STIL: variants seen among roughly 807,000 people sequenced by gnomAD.
STIL encodes the protein STIL centriolar assembly protein.
Under a neutral mutation model 110.1 loss-of-function variants are expected in STIL, and 55 were observed. The ratio of observed to expected loss-of-function variants is 0.50; its 90% CI spans 0.40 to 0.63. STIL has a LOEUF of 0.63. Ranked by LOEUF, STIL falls within the 20% of genes least tolerant of loss-of-function variation. STIL has a pLI of 0.00. For synonymous variants in STIL, 481 were observed against 530.0 expected (o/e 0.91, Z 1.27); for missense variants, 1,358 against 1,530.0 (o/e 0.89, Z 1.87).
chr1:47,313,414 T>C (rs1646194792), intron 1 of STIL, among the ~76,000 whole-genome samples: 1 of 149,554 alleles, frequency 6.7e-6, no homozygotes, highest in Non-Finnish European at 1.5e-5. Flanking sequence ...AGCCCCACTC[T>C]ATTATTCCAA....
intron 2 of STIL, among the ~76,000 whole-genome samples, chr1:47,306,720 G>T (rs1645970882): frequency 6.6e-6 from 1 of 152,198 alleles, no homozygotes; most frequent in South Asian, 2.1e-4. Context: ...AGCGTCAAAA[G>T]GACATAATTA....
At chr1:47,299,067 G>A (rs1257599960) in intron 6 of STIL, among the ~76,000 whole-genome samples, 1 of 150,940 alleles carries the variant, frequency 6.6e-6, no homozygotes, top group African/African-American at 2.4e-5. Context: ...GGTCTCTGGG[G>A]CTGGGCATGG....
chr1:47,311,446 G>A (rs1030025235), intron 1 of STIL, among the ~76,000 whole-genome samples: 4 of 151,564 alleles, frequency 2.6e-5, no homozygotes, highest in East Asian at 1.9e-4. Flanking sequence ...CACTGCACCC[G>A]GCTAATTTTT....
chr1:47,275,472 G>C (rs1219296601), intron 12 of STIL, among the ~76,000 whole-genome samples: 1 of 151,950 alleles, frequency 6.6e-6, no homozygotes, highest in Non-Finnish European at 1.5e-5. Context: ...GCCCGGCTTG[G>C]TGGCCAACGC....
intron 12 of STIL, among the ~76,000 whole-genome samples, chr1:47,273,578 CAT>C (rs1360843822): frequency 6.6e-6 from 1 of 152,202 alleles, no homozygotes; most frequent in Non-Finnish European, 1.5e-5. Context: ...GGATATATCA[CAT>C]TGTGCTTTTC....
intron 2 of STIL, among the ~76,000 whole-genome samples, chr1:47,307,200 A>G: frequency 6.6e-6 from 1 of 152,118 alleles, no homozygotes; most frequent in Non-Finnish European, 1.5e-5. Context: ...ACACGCCTGT[A>G]ATCCCAGTTA....
In STIL at chr1:47,263,006, G is replaced by A. The variant is rs143211398; in HGVS notation, c.2726C>T (p.Ala909Val). The A allele has an allele frequency of 8.7e-6, 14 of 1,614,074 alleles. No individual in the cohort carries two copies. The East Asian group carries it at 3.1e-4, about 36-fold the overall frequency. Reference protein sequence around the residue: ...MCLQTGPTGGASNNSETSEEP... With the variant: ...MCLQTGPTGGVSNNSETSEEP... ...CTCTGATGTTTCAGAATTGTTACTG[G>A]CACCCCCTGTTGGTCCAGTCTGTAA... Residue 909 changes from alanine (A) to valine (V), a missense_variant, in exon 15 of 17, where the codon GCC becomes GTC. By Grantham distance (64) the Ala-to-Val change is moderately conservative. Coordinates refer to ENST00000371877, the MANE Select transcript of STIL (RefSeq NM_001048166.1).
intron 14 of STIL, among the ~76,000 whole-genome samples, chr1:47,265,260 A>AAAAAAAAAAAAAAAAAAAAAC (rs1553170532): frequency 3.6e-4 from 54 of 148,398 alleles, no homozygotes; most frequent in East Asian, 1.0e-3. Flanking sequence ...AAAAAAAAAA[A>AAAAAAAAAAAAAAAAAAAAAC]CACAAGATTG....
At chr1:47,259,238 G>C (rs918754850) in intron 16 of STIL, among the ~76,000 whole-genome samples, 4 of 147,414 alleles carry the variant, frequency 2.7e-5, no homozygotes, top group Non-Finnish European at 5.9e-5. Context: ...CGCCCACCTC[G>C]GCTTCCCAAA....
chr1:47,289,458 T>C lies in STIL; in HGVS notation c.1000A>G (p.Lys334Glu), dbSNP rs201791925. The C allele has an allele frequency of 3.1e-6, 5 of 1,614,014 alleles. No homozygotes were observed. The East Asian group carries it at 1.1e-4, about 36-fold the overall frequency. Reference sequence around the variant, plus strand: ...ACTTTGAAAAGATGTAATGTTTCCTTACTGGTTAGCAACTGAAACCGAAAG... The same window carrying C: ...ACTTTGAAAAGATGTAATGTTTCCTCACTGGTTAGCAACTGAAACCGAAAG... ...PDFRFQLLTS[K>E]ETLHLFKNVE... is the part of the protein sequence containing the mutation. The change falls in exon 9 of 17, where the codon AAG (lysine) becomes GAG (glutamate). Residue 334 changes from lysine to glutamate, a missense_variant. Physicochemically the swap from Lys to Glu is moderately conservative, Grantham distance 56. Coordinates refer to ENST00000371877, the MANE Select transcript of STIL (RefSeq NM_001048166.1).
chr1:47,311,460 G>C (rs1333837630), intron 1 of STIL, among the ~76,000 whole-genome samples: 3 of 150,978 alleles, frequency 2.0e-5, no homozygotes, highest in Non-Finnish European at 3.0e-5. Flanking sequence ...AATTTTTTTG[G>C]ATTTTTTGTA....
In STIL at chr1:47,314,130, G is replaced by A. The variant is rs1170833014; in HGVS notation, c.-138C>T. 6.6e-6 allele frequency: 1 copy of A among 152,296 alleles called. No homozygotes were observed. Among genetic ancestry groups the A allele is most frequent in the Non-Finnish European group, 1.5e-5 (1 of 68,066 alleles). The allele number at this position is 152,296 out of a possible 1,614,324, so 9.4% of individuals were successfully genotyped here. ...CCGACTCCGGCCCCGCCTCTGGGAC[G>A]TTGGGGTCGCGGGAACTGAGGCGGC... On this transcript the variant is annotated 5_prime_UTR_variant, in exon 1 of 17. The change creates a new upstream start codon in the 5' untranslated region. Transcript: ENST00000371877.
intron 13 of STIL, among the ~76,000 whole-genome samples, chr1:47,270,253 TATACACACACACACAC>T (rs1644793524): frequency 8.5e-6 from 1 of 118,212 alleles, no homozygotes; most frequent in Non-Finnish European, 1.6e-5. Flanking sequence ...TATATATATA[TATACACACACACACAC>T]ACACACACAC....
Position 47,251,803 on chromosome 1 carries a change from G to A in STIL, c.3200C>T (p.Ala1067Val), listed in dbSNP as rs2148622415. Residue 1067 changes from alanine to valine, a missense_variant, in exon 17 of 17, where the codon GCT (alanine) becomes GTT (valine). Transcript: ENST00000371877. Reference sequence around the variant, plus strand: ...TTCATTTAAATATTTCAGAGCTATAGCATTTGCCTCCATGCTCAAATCCAC... The same window carrying A: ...TTCATTTAAATATTTCAGAGCTATAACATTTGCCTCCATGCTCAAATCCAC... ...NGVDLSMEAN[A>V]IALKYLNENQ... 6.2e-7 allele frequency: 1 copy of A among 1,611,238 alleles called. No homozygotes were observed. The highest frequency in any genetic ancestry group is 8.5e-7 in the Non-Finnish European group (1 of 1,178,390).
At chr1:47,264,197 G>A (rs1379516509) in intron 14 of STIL, among the ~76,000 whole-genome samples, 1 of 152,182 alleles carries the variant, frequency 6.6e-6, no homozygotes, top group Non-Finnish European at 1.5e-5. Flanking sequence ...CACCACGTGA[G>A]GACACAAGGA....
intron 10 of STIL, chr1:47,283,327 T>C (rs988978350): frequency 1.3e-5 from 2 of 152,212 alleles, no homozygotes; most frequent in African/African-American, 4.8e-5. Context: ...CACAGAGTTC[T>C]TTCTGTACAA....
chr1:47,301,807 C>T, intron 4 of STIL, 59 bp from the exon 5 acceptor site: 1 of 1,509,706 alleles, frequency 6.6e-7, no homozygotes, highest in Non-Finnish European at 9.2e-7. Context: ...TAAAATCAAC[C>T]AAGCAAGACT....
At chr1:47,310,866 T>C (rs1035746543) in intron 1 of STIL, among the ~76,000 whole-genome samples, 3 of 152,196 alleles carry the variant, frequency 2.0e-5, no homozygotes. Context: ...TTCTTTTTTT[T>C]TGAGATGGAG....
chr1:47,274,745 G>T (rs970019750), intron 12 of STIL, among the ~76,000 whole-genome samples: 1 of 150,940 alleles, frequency 6.6e-6, no homozygotes, highest in Non-Finnish European at 1.5e-5. Flanking sequence ...GAAATATAAA[G>T]CTGTGGGTGA....
Sources: allele counts gnomAD v4.1 joint callset (sites outside exome capture counted in the v4.1 genomes callset), GRCh38; gene constraint gnomAD v4.1.1; transcripts MANE v1.5; gene names NCBI Gene and HGNC (gene_info 2026-07-23, HGNC 2026-07-21).